ADCY3: variants seen among roughly 807,000 people sequenced by gnomAD.
ADCY3 encodes the protein adenylate cyclase 3.
Under a neutral mutation model 119.4 loss-of-function variants are expected in ADCY3, and 70 were observed. The ratio of observed to expected loss-of-function variants is 0.59; its 90% CI spans 0.48 to 0.72. The LOEUF is 0.72. Among genes scored for constraint, ADCY3 ranks in the 30% least tolerant of loss-of-function variants. ADCY3 has a pLI of 0.00. For missense variants in ADCY3, 1,238 were observed against 1,541.6 expected, an observed-to-expected ratio of 0.80 and a Z score of 3.30; for synonymous variants, 672 against 621.4, an observed-to-expected ratio of 1.08 and a Z score of -1.21.
At chr2:24,895,621 TCTTC>T (rs957032916) in intron 2 of ADCY3, among the ~76,000 whole-genome samples, 1 of 151,664 alleles carries the variant, frequency 6.6e-6, no homozygotes, top group African/African-American at 2.4e-5. Context: ...TTTCTTTCTT[TCTTC>T]TTCTTTTTTT....
intron 20 of ADCY3, 35 bp downstream of exon 20, chr2:24,821,482 G>A: frequency 1.2e-6 from 2 of 1,610,360 alleles, no homozygotes; most frequent in South Asian, 1.1e-5. Context: ...TGGGAAGGGA[G>A]CCTGCTGCGG....
chr2:24,845,316 C>T (rs762771572), intron 3 of ADCY3, among the ~76,000 whole-genome samples: 1 of 152,194 alleles, frequency 6.6e-6, no homozygotes, highest in Non-Finnish European at 1.5e-5. Context: ...TGGAACCTCC[C>T]AGAGACTTGT....
At chr2:24,862,554 A>G (rs971469435) in intron 3 of ADCY3, among the ~76,000 whole-genome samples, 2 of 151,632 alleles carry the variant, frequency 1.3e-5, no homozygotes, top group Non-Finnish European at 2.9e-5. Flanking sequence ...TCAAAAAAAA[A>G]AAATTAATTA....
At chr2:24,905,883 G>C (rs1384434173) in intron 2 of ADCY3, among the ~76,000 whole-genome samples, 1 of 152,216 alleles carries the variant, frequency 6.6e-6, no homozygotes, top group African/African-American at 2.4e-5. Context: ...GGAGCTCCTG[G>C]TGGTTCAAGT....
Position 24,919,194 on chromosome 2 carries a change from G to A in ADCY3, c.-197-10C>T. On this transcript the variant is annotated splice_polypyrimidine_tract_variant and intron_variant, in intron 1 of 21. Transcript: ENST00000679454. The surrounding 1 kb of genome is among the most constrained non-coding windows in gnomAD (Gnocchi z 5.5). Reference sequence around the variant, plus strand: ...CACTGATCAGCTAGAACTGAAAAGGGCATTGCTGAGTAGAAGCACCTCTTC... The same window carrying A: ...CACTGATCAGCTAGAACTGAAAAGGACATTGCTGAGTAGAAGCACCTCTTC... The A allele has an allele frequency of 6.8e-6, 4 of 585,370 alleles. No individual in the cohort carries two copies. The highest frequency in any genetic ancestry group is 6.1e-6 in the Non-Finnish European group (2 of 330,280). 36.3% of individuals were successfully genotyped at this position (585,370 alleles called of 1,614,324 possible).
chr2:24,869,466 C>T (rs1445460217), intron 3 of ADCY3, among the ~76,000 whole-genome samples: 1 of 152,068 alleles, frequency 6.6e-6, no homozygotes, highest in Non-Finnish European at 1.5e-5. Flanking sequence ...AGTGCAGTGG[C>T]ACAATCATGG....
At chr2:24,871,053 G>A (rs1262934063) in intron 3 of ADCY3, among the ~76,000 whole-genome samples, 1 of 152,112 alleles carries the variant, frequency 6.6e-6, no homozygotes, top group African/African-American at 2.4e-5. Flanking sequence ...AGACAGACAA[G>A]ATCAATGCAG....
Position 24,834,495 on chromosome 2 carries a change from T to C in ADCY3, c.1957A>G (p.Ile653Val). Residue 653 changes from isoleucine (I) to valine (V), a missense_variant, in exon 11 of 22, where the codon ATC (isoleucine) becomes GTC (valine). This residue lies in a region of ADCY3 where 499 missense variants were observed against 571.0 expected (regional missense o/e 0.87). Transcript: ENST00000679454. This position sits in a 1 kb window ranked among gnomAD's most constrained non-coding sequence, Gnocchi z 4.2. ...CGGCCCCTCCCTCACCAGGGGTCGA[T>C]GAGTATCTCGACCAGGGCCGTGCAG... Reference protein sequence around the residue: ...LLCTALVEILIDPWLMTNYVT... With the variant: ...LLCTALVEILVDPWLMTNYVT... 1 of 1,586,022 alleles carries C rather than the reference T, an allele frequency of 6.3e-7. No individual in the cohort carries two copies. Among genetic ancestry groups the C allele is most frequent in the Non-Finnish European group, 8.6e-7 (1 of 1,163,446 alleles).
At chr2:24,825,835 G>A (rs907726024) in intron 16 of ADCY3, 5 of 582,562 alleles carry the variant, frequency 8.6e-6, no homozygotes, top group Non-Finnish European at 1.5e-5. Context: ...CCTGGAGGGG[G>A]TCGGACGGAA....
At chr2:24,916,976 T>C (rs1033305515) in intron 2 of ADCY3, among the ~76,000 whole-genome samples, 6 of 152,250 alleles carry the variant, frequency 3.9e-5, no homozygotes, top group African/African-American at 1.4e-4. Flanking sequence ...GAACCAGTTA[T>C]CACTCATCTC....
chr2:24,851,891 T>C (rs1672335051), intron 3 of ADCY3, among the ~76,000 whole-genome samples: 1 of 152,142 alleles, frequency 6.6e-6, no homozygotes, highest in Admixed American at 6.5e-5. Flanking sequence ...CGTTGTTCCA[T>C]TTCTTCCCTG....
intron 12 of ADCY3, 80 bp from the exon 13 acceptor site, chr2:24,830,905 G>T: frequency 8.9e-7 from 1 of 1,128,592 alleles, no homozygotes; most frequent in Non-Finnish European, 1.3e-6. Context: ...AACTCAGGCT[G>T]GTCCCGTATT....
At position 24,819,179 on chromosome 2, in the gene ADCY3, A is replaced by G. The variant is rs953450470; in HGVS notation, c.*753T>C. 2.0e-5 allele frequency: 3 copies of G among 152,664 alleles called. No individual in the cohort carries two copies. Among genetic ancestry groups the G allele is most frequent in the African/African-American group, 7.2e-5 (3 of 41,466 alleles). The allele number at this position is 152,664 out of a possible 1,614,324, so 9.5% of individuals were successfully genotyped here. A position where few individuals can be genotyped will look rare whatever the true frequency, so the allele number is the denominator to read the frequency against. On this transcript the variant is annotated 3_prime_UTR_variant, in exon 22 of 22. Transcript: ENST00000679454. ...AATTTCCACAATCACTTTCAAGTTGAATAAAGCTTTTAATAAAACAGTCTT... is the reference window on the plus strand; with the variant it reads ...AATTTCCACAATCACTTTCAAGTTGGATAAAGCTTTTAATAAAACAGTCTT...
Position 24,899,473 on chromosome 2 carries a change from C to T in ADCY3, c.675+18840G>A, listed in dbSNP as rs937728756. Among the ~76,000 whole-genome samples, 1 of 152,244 alleles carries T rather than the reference C, an allele frequency of 6.6e-6. No individual in the cohort carries two copies. The highest frequency in any genetic ancestry group is 2.4e-5 in the African/African-American group (1 of 41,466). On this transcript the variant is annotated intron_variant, in intron 2 of 21. Transcript: ENST00000679454. The surrounding 1 kb of genome is among the most constrained non-coding windows in gnomAD (Gnocchi z 4.5). ...CCAGGCAAAACTGTCCCTGGATTTC[C>T]TGCCCAGTAGGCCCTTGAAAGATGC...
intron 8 of ADCY3, 59 bp from the exon 9 acceptor site, chr2:24,837,104 G>A (rs1670413791): frequency 1.9e-5 from 30 of 1,578,888 alleles, no homozygotes; most frequent in Non-Finnish European, 2.5e-5. Context: ...GCGTGGACAG[G>A]TCTGGAAGTG....
At position 24,819,745 on chromosome 2, in the gene ADCY3, A is replaced by T; in HGVS notation, c.*187T>A. On this transcript the variant is annotated 3_prime_UTR_variant, in exon 22 of 22. Coordinates refer to ENST00000679454, the MANE Select transcript of ADCY3 (RefSeq NM_004036.5). ...CTAAGACCCCTATGCTGGGGACACT[A>T]CAGGCACACACAGGAATAGCAGGGC... 1 of 629,136 alleles carries T rather than the reference A, an allele frequency of 1.6e-6. No individual in the cohort carries two copies. The highest frequency in any genetic ancestry group is 2.8e-6 in the Non-Finnish European group (1 of 360,824). 39.0% of individuals were successfully genotyped at this position (629,136 alleles called of 1,614,324 possible).
In ADCY3 at chr2:24,910,420, C is replaced by T. The variant is rs922801235; in HGVS notation, c.675+7893G>A. Among the ~76,000 whole-genome samples, 6 of 152,186 alleles carry T rather than the reference C, an allele frequency of 3.9e-5. No individual in the cohort carries two copies. The South Asian group carries it at 1.0e-3, about 26-fold the overall frequency. On this transcript the variant is annotated intron_variant, in intron 2 of 21. Transcript: ENST00000679454. ...CATGTTGCCCAGGTTTAAACTGTTACTCTTTTAAGCCTCCAAATTTTGGGG... is the reference window on the plus strand; with the variant it reads ...CATGTTGCCCAGGTTTAAACTGTTATTCTTTTAAGCCTCCAAATTTTGGGG...
intron 13 of ADCY3, 119 bp from the exon 14 acceptor site, chr2:24,828,280 A>ATTC (rs1668910985): frequency 8.0e-7 from 1 of 1,245,830 alleles, no homozygotes. Flanking sequence ...CCCCAGAAAT[A>ATTC]CCGGGAAAGA....
chr2:24,841,135 A>C lies in ADCY3; in HGVS notation c.1196+124T>G. ...CACCCATCAACCAGTGCTGTGTCCC[A>C]GTCTCTGCTTCCAGCAGATCCCCCA... On this transcript the variant is annotated intron_variant, in intron 6 of 21. Transcript: ENST00000679454. The surrounding 1 kb of genome is among the most constrained non-coding windows in gnomAD (Gnocchi z 5.8). 1.8e-6 allele frequency: 2 copies of C among 1,141,152 alleles called. No homozygotes were observed. The highest frequency in any genetic ancestry group is 2.4e-6 in the Non-Finnish European group (2 of 832,524). 70.7% of individuals were successfully genotyped at this position (1,141,152 alleles called of 1,614,324 possible).
Sources: gnomAD v4.1 joint callset for allele counts (sites outside exome capture counted in the v4.1 genomes callset) on GRCh38, gnomAD v4.1.1 for gene constraint, gnomAD v4.1.1 regional missense constraint, Gnocchi (gnomAD v3.1) non-coding constraint, MANE v1.5 for transcripts, NCBI Gene and HGNC (gene_info 2026-07-23, HGNC 2026-07-21) for gene names.